Variants in TRPM7 observed in about 807,000 individuals in gnomAD.
TRPM7 encodes LTRPC ion channel family member 7.
Under a neutral mutation model 229.7 loss-of-function variants are expected in TRPM7, and 134 were observed. The ratio of observed to expected loss-of-function variants is 0.58; its 90% CI spans 0.51 to 0.67. The LOEUF (loss-of-function observed/expected upper bound fraction) is 0.67, where lower values mean the gene tolerates loss of function less well. Ranked by LOEUF, TRPM7 falls within the 30% of genes least tolerant of loss-of-function variation. The pLI is 0.00. For missense variants in TRPM7, 1,901 were observed against 2,210.0 expected, an observed-to-expected ratio of 0.86 and a Z score of 2.80; for synonymous variants, 699 against 715.2, an observed-to-expected ratio of 0.98 and a Z score of 0.36.
In TRPM7 at chr15:50,643,339, C is replaced by G; in HGVS notation, c.535+1G>C. 6.2e-7 allele frequency: 1 copy of G among 1,611,918 alleles called. No individual in the cohort carries two copies. The highest frequency in any genetic ancestry group is 8.5e-7 in the Non-Finnish European group (1 of 1,178,204). On this transcript the variant is annotated splice_donor_variant, in intron 5 of 38. Coordinates refer to ENST00000646667, the MANE Select transcript of TRPM7 (RefSeq NM_017672.6). LOFTEE classifies it high-confidence loss of function. Reference sequence around the variant, plus strand: ...TAAAATTGGTATAATCATCACATTACCTGTGTTTACTCCTCCAGTTAAAAT... The same window carrying G: ...TAAAATTGGTATAATCATCACATTAGCTGTGTTTACTCCTCCAGTTAAAAT...
At chr15:50,581,299 G>C (rs2054396811) in intron 29 of TRPM7, among the ~76,000 whole-genome samples, 1 of 151,978 alleles carries the variant, frequency 6.6e-6, no homozygotes, top group South Asian at 2.1e-4. Flanking sequence ...AGGAGTTCGA[G>C]ACCAGCCTGG....
chr15:50,587,068 A>C (rs2059362839), intron 27 of TRPM7, among the ~76,000 whole-genome samples: 1 of 152,130 alleles, frequency 6.6e-6, no homozygotes, highest in Admixed American at 6.6e-5. Flanking sequence ...AAGTTGGAAA[A>C]ATATACAAAA....
At chr15:50,672,207 C>T (rs947216012) in intron 1 of TRPM7, among the ~76,000 whole-genome samples, 6 of 152,104 alleles carry the variant, frequency 3.9e-5, no homozygotes, top group Admixed American at 1.3e-4. Context: ...GCAACCACCA[C>T]CACACCCAGC....
At chr15:50,613,956 G>T in intron 14 of TRPM7, 115 bp from the exon 15 acceptor site, 1 of 1,378,256 alleles carries the variant, frequency 7.3e-7, no homozygotes, top group Non-Finnish European at 9.9e-7. Context: ...CACAAAATAT[G>T]ACTGATTTAG....
Position 50,591,964 on chromosome 15 carries a change from G to A in TRPM7, c.4271C>T (p.Thr1424Ile). The change falls in exon 26 of 39, where the codon ACT becomes ATT. Residue 1424 changes from threonine to isoleucine, a missense_variant. Physicochemically the swap from Thr to Ile is moderately conservative, Grantham distance 89 (BLOSUM62 -1). Coordinates refer to ENST00000646667, the MANE Select transcript of TRPM7 (RefSeq NM_017672.6). Reference sequence around the variant, plus strand: ...TCCTTCTGTAGCTTTAGAGCAAACAGTTTCTTGATCTTTGGTTCCAGTTTC... The same window carrying A: ...TCCTTCTGTAGCTTTAGAGCAAACAATTTCTTGATCTTTGGTTCCAGTTTC... ...HLETGTKDQE[T>I]VCSKATEGDN... 6.2e-7 allele frequency: 1 copy of A among 1,603,378 alleles called. No individual in the cohort carries two copies. The highest frequency in any genetic ancestry group is 8.5e-7 in the Non-Finnish European group (1 of 1,177,278).
chr15:50,618,033 T>A (rs950611606), intron 13 of TRPM7, among the ~76,000 whole-genome samples: 1 of 152,142 alleles, frequency 6.6e-6, no homozygotes, highest in African/African-American at 2.4e-5. Context: ...CTAAACAAAA[T>A]TTAAGTTTAG....
chr15:50,655,824 T>A (rs1431399750), intron 3 of TRPM7, among the ~76,000 whole-genome samples: 1 of 151,944 alleles, frequency 6.6e-6, no homozygotes, highest in African/African-American at 2.4e-5. Flanking sequence ...ACCCCATCTA[T>A]ACTAAAAGTA....
Position 50,591,990 on chromosome 15 carries a change from C to A in TRPM7, c.4245G>T (p.Leu1415Phe), listed in dbSNP as rs1205582534. ...TPSQPSCKSH[L>F]ETGTKDQETV... is the part of the protein sequence containing the mutation. The stretch of plus-strand genomic sequence containing the variant: ...TTTCTTGATCTTTGGTTCCAGTTTC[C>A]AAGTGGCTTTTGCAACTTGGCTGAG... The change falls in exon 26 of 39, where the codon TTG (leucine) becomes TTT (phenylalanine). Residue 1415 changes from leucine to phenylalanine, a missense_variant. Leu to Phe is a conservative substitution (Grantham distance 22, BLOSUM62 0). Transcript: ENST00000646667. 6.2e-7 allele frequency: 1 copy of A among 1,610,534 alleles called. No homozygotes were observed. The highest frequency in any genetic ancestry group is 8.5e-7 in the Non-Finnish European group (1 of 1,179,034).
chr15:50,666,709 G>A (rs1327510209), intron 1 of TRPM7, among the ~76,000 whole-genome samples: 2 of 152,030 alleles, frequency 1.3e-5, no homozygotes, highest in African/African-American at 4.8e-5. Context: ...GGCTGAGGCA[G>A]GAGAATTGCT....
chr15:50,668,947 C>T (rs2061937059), intron 1 of TRPM7, among the ~76,000 whole-genome samples: 1 of 152,116 alleles, frequency 6.6e-6, no homozygotes, highest in South Asian at 2.1e-4. Flanking sequence ...ACTTGTAGAG[C>T]CAATTAAAAG....
intron 2 of TRPM7, among the ~76,000 whole-genome samples, chr15:50,662,220 G>A (rs2061742010): frequency 6.6e-6 from 1 of 151,896 alleles, no homozygotes; most frequent in Non-Finnish European, 1.5e-5. Context: ...GGCTGTGGTG[G>A]CACATGCCTG....
At chr15:50,598,453 T>C (rs2059688865) in intron 22 of TRPM7, among the ~76,000 whole-genome samples, 1 of 152,226 alleles carries the variant, frequency 6.6e-6, no homozygotes, top group Admixed American at 6.5e-5. Flanking sequence ...AAATCTTGAG[T>C]ATCTGTCATC....
chr15:50,590,250 A>G (rs2059453126), intron 26 of TRPM7, among the ~76,000 whole-genome samples: 1 of 152,210 alleles, frequency 6.6e-6, no homozygotes, highest in Non-Finnish European at 1.5e-5. Context: ...AATTTAAAAG[A>G]AAAAAGGGGA....
chr15:50,684,411 C>A (rs1209126424), intron 1 of TRPM7, among the ~76,000 whole-genome samples: 4 of 152,084 alleles, frequency 2.6e-5, no homozygotes, highest in African/African-American at 9.7e-5. Flanking sequence ...GGAGGTGAGA[C>A]AGCCAGATCA....
chr15:50,621,598 G>C (rs1383626331), intron 12 of TRPM7, among the ~76,000 whole-genome samples: 2 of 152,118 alleles, frequency 1.3e-5, no homozygotes, highest in Non-Finnish European at 2.9e-5. Context: ...GTTTTCCAGA[G>C]GCTTTTTGAT....
chr15:50,583,580 G>GTTTTTT (rs3077872), intron 28 of TRPM7, among the ~76,000 whole-genome samples: 1 of 136,794 alleles, frequency 7.3e-6, no homozygotes, highest in Non-Finnish European at 1.6e-5. Flanking sequence ...TTAGAGTTTT[G>GTTTTTT]TTTTTTTTTT....
Position 50,632,855 on chromosome 15 carries a change from T to A in TRPM7, c.1131+14A>T. Reference sequence around the variant, plus strand: ...GCCTATCAGCTTTTTAAATTTCTGCTGAAATCTACTTACAAGCTCCTTTCT... The same window carrying A: ...GCCTATCAGCTTTTTAAATTTCTGCAGAAATCTACTTACAAGCTCCTTTCT... On this transcript the variant is annotated intron_variant, in intron 9 of 38. Coordinates refer to ENST00000646667, the MANE Select transcript of TRPM7 (RefSeq NM_017672.6). The A allele has an allele frequency of 2.0e-6, 3 of 1,508,094 alleles. No individual in the cohort carries two copies. Among genetic ancestry groups the A allele is most frequent in the Non-Finnish European group, 1.8e-6 (2 of 1,135,630 alleles). The allele number at this position is 1,508,094 out of a possible 1,614,324, so 93.4% of individuals were successfully genotyped here.
intron 3 of TRPM7, among the ~76,000 whole-genome samples, chr15:50,652,129 T>A (rs2061437256): frequency 6.6e-6 from 1 of 151,134 alleles, no homozygotes; most frequent in Admixed American, 6.6e-5. Flanking sequence ...GGTCAGGAGT[T>A]CGAGACCAGC....
rs1297714746 is a variant in TRPM7 at position 50,557,458 on chromosome 15, T to G, written c.*4220A>C. On this transcript the variant is annotated 3_prime_UTR_variant, in exon 39 of 39. Transcript: ENST00000646667. ...AAAACAACATAGTCTGACTTGAGAG[T>G]GGGGAAAGTGGAACAAGGGAGTAAT... 6.6e-6 allele frequency: 1 copy of G among 152,020 alleles called. No individual in the cohort carries two copies. Among genetic ancestry groups the G allele is most frequent in the Non-Finnish European group, 1.5e-5 (1 of 68,018 alleles). The allele number at this position is 152,020 out of a possible 1,614,324, so 9.4% of individuals were successfully genotyped here.
Sources: allele counts gnomAD v4.1 joint callset (sites outside exome capture counted in the v4.1 genomes callset), GRCh38; gene constraint gnomAD v4.1.1; transcripts MANE v1.5; gene names NCBI Gene and HGNC (gene_info 2026-07-23, HGNC 2026-07-21).